USP54: variants seen among roughly 807,000 people sequenced by gnomAD.
USP54 encodes ubiquitin specific peptidase 54.
Under a neutral mutation model 170.5 loss-of-function variants are expected in USP54, and 87 were observed. The ratio of observed to expected loss-of-function variants is 0.51; its 90% CI spans 0.43 to 0.61. The LOEUF is 0.61. Among genes scored for constraint, USP54 ranks in the 20% least tolerant of loss-of-function variants. USP54 has a pLI of 0.00. For synonymous variants in USP54, 655 were observed against 742.8 expected, an observed-to-expected ratio of 0.88 and a Z score of 1.92; for missense variants, 1,786 against 2,047.8, an observed-to-expected ratio of 0.87 and a Z score of 2.47.
At chr10:73,560,797 C>T (rs190395225) in intron 4 of USP54, among the ~76,000 whole-genome samples, 5 of 151,052 alleles carry the variant, frequency 3.3e-5, no homozygotes, top group South Asian at 2.1e-4. Context: ...CCAAAAACTC[C>T]GTAACTATTT....
At chr10:73,559,434 C>T (rs2072196199) in intron 4 of USP54, among the ~76,000 whole-genome samples, 1 of 152,008 alleles carries the variant, frequency 6.6e-6, no homozygotes, top group Non-Finnish European at 1.5e-5. Flanking sequence ...GTGACACATG[C>T]CTGTAATCCC....
chr10:73,585,037 AT>A, intron 1 of USP54, among the ~76,000 whole-genome samples: 1 of 152,332 alleles, frequency 6.6e-6, no homozygotes, highest in East Asian at 1.9e-4. Context: ...AAAATATTTA[AT>A]GGCTCCTAGA....
chr10:73,618,505 GGAT>G (rs2080828803), intron 1 of USP54, among the ~76,000 whole-genome samples: 5 of 150,280 alleles, frequency 3.3e-5, no homozygotes, highest in African/African-American at 1.3e-4. Flanking sequence ...CACTTTGGGA[GGAT>G]GAGGCGGGGT....
At chr10:73,523,222 T>C (rs1399956730) in intron 17 of USP54, among the ~76,000 whole-genome samples, 2 of 152,212 alleles carry the variant, frequency 1.3e-5, no homozygotes, top group Non-Finnish European at 2.9e-5. Context: ...CATGGGTATG[T>C]TTCTTCCCAG....
chr10:73,530,044 A>T, intron 14 of USP54, 99 bp downstream of exon 14: 1 of 1,509,728 alleles, frequency 6.6e-7, no homozygotes, highest in Non-Finnish European at 8.9e-7. Context: ...ACATCAGAGT[A>T]AAAGTGCCCC....
chr10:73,610,494 C>T (rs1169904703), intron 1 of USP54, among the ~76,000 whole-genome samples: 2 of 151,980 alleles, frequency 1.3e-5, no homozygotes, highest in African/African-American at 4.8e-5. Context: ...TGGTGGCACA[C>T]ACACCTGTAG....
intron 16 of USP54, among the ~76,000 whole-genome samples, chr10:73,524,760 A>G (rs186143758): frequency 3.3e-5 from 5 of 152,336 alleles, no homozygotes; most frequent in East Asian, 1.9e-4. Flanking sequence ...TATTACCCCC[A>G]TTTTAGGAAT....
At chr10:73,556,626 G>A (rs1235503131) in intron 4 of USP54, among the ~76,000 whole-genome samples, 2 of 152,078 alleles carry the variant, frequency 1.3e-5, no homozygotes, top group African/African-American at 2.4e-5. Flanking sequence ...TTACAGGCAT[G>A]AGCCACCGCG....
At chr10:73,553,887 C>A (rs2070279261) in intron 4 of USP54, among the ~76,000 whole-genome samples, 1 of 152,192 alleles carries the variant, frequency 6.6e-6, no homozygotes, top group Non-Finnish European at 1.5e-5. Flanking sequence ...ATTTTAACGA[C>A]TAAAAGCAGG....
chr10:73,621,591 C>T (rs2081096736), intron 1 of USP54, among the ~76,000 whole-genome samples: 1 of 138,494 alleles, frequency 7.2e-6, no homozygotes, highest in Non-Finnish European at 1.5e-5. Flanking sequence ...CACAGGGACA[C>T]TCCGTCTCAA....
chr10:73,571,622 C>T (rs2075218535), intron 3 of USP54, 109 bp from the exon 4 acceptor site: 1 of 765,778 alleles, frequency 1.3e-6, no homozygotes, highest in Non-Finnish European at 2.0e-6. Context: ...TGTCTTTATT[C>T]CCAAAAGAAA....
At chr10:73,574,955 G>A (rs1374717746) in intron 3 of USP54, among the ~76,000 whole-genome samples, 3 of 151,990 alleles carry the variant, frequency 2.0e-5, no homozygotes, top group African/African-American at 7.2e-5. Flanking sequence ...GGCCAGGCAC[G>A]GTGGTTCATG....
intron 4 of USP54, among the ~76,000 whole-genome samples, chr10:73,570,609 G>T (rs112333139): frequency 4.1e-5 from 6 of 146,812 alleles, no homozygotes; most frequent in African/African-American, 1.3e-4. Flanking sequence ...GGAGTGCAGT[G>T]GTATGATCAG....
intron 1 of USP54, among the ~76,000 whole-genome samples, chr10:73,587,330 C>T (rs946188450): frequency 2.0e-5 from 3 of 152,000 alleles, no homozygotes; most frequent in Non-Finnish European, 4.4e-5. Flanking sequence ...AAAAAATTAG[C>T]CGGGTGTGGT....
intron 4 of USP54, among the ~76,000 whole-genome samples, chr10:73,566,433 C>G (rs568451423): frequency 6.6e-6 from 1 of 151,684 alleles, no homozygotes; most frequent in South Asian, 2.1e-4. Flanking sequence ...AGTAAAACAC[C>G]AGATAAAACA....
chr10:73,506,804 A>T (rs904540242), intron 20 of USP54: 9 of 152,182 alleles, frequency 5.9e-5, no homozygotes, highest in African/African-American at 2.2e-4. Flanking sequence ...GGGAAATGTT[A>T]CAGTCTTCCT....
At chr10:73,624,014 A>C (rs1301824065) in intron 1 of USP54, among the ~76,000 whole-genome samples, 2 of 151,814 alleles carry the variant, frequency 1.3e-5, no homozygotes, top group Admixed American at 6.6e-5. Flanking sequence ...CCACCACACA[A>C]AGCTTTATCT....
intron 20 of USP54, among the ~76,000 whole-genome samples, chr10:73,510,257 C>T (rs2059984331): frequency 6.6e-6 from 1 of 151,888 alleles, no homozygotes; most frequent in Admixed American, 6.6e-5. Context: ...ATCACTTGAA[C>T]CCGGGAGGCG....
intron 1 of USP54, among the ~76,000 whole-genome samples, chr10:73,578,792 C>T (rs774731394): frequency 6.6e-6 from 1 of 152,058 alleles, no homozygotes; most frequent in Non-Finnish European, 1.5e-5. Context: ...AATTGGGACA[C>T]CCATATGCAA....
Sources: gnomAD v4.1 joint callset for allele counts (sites outside exome capture counted in the v4.1 genomes callset) on GRCh38, gnomAD v4.1.1 for gene constraint, MANE v1.5 for transcripts, NCBI Gene and HGNC (gene_info 2026-07-23, HGNC 2026-07-21) for gene names.